Variants in NYAP2 observed in about 807,000 individuals in gnomAD.
NYAP2 encodes neuronal tyrosine-phosphorylated phosphoinositide-3-kinase adaptor 2.
Under a neutral mutation model 50.4 loss-of-function variants are expected in NYAP2, and 23 were observed. The ratio of observed to expected loss-of-function variants is 0.46; its 90% confidence interval spans 0.33 to 0.65. The LOEUF (loss-of-function observed/expected upper bound fraction) is 0.65. Among genes scored for constraint, NYAP2 ranks in the 30% least tolerant of loss-of-function variants. The probability of loss-of-function intolerance (pLI) is 0.02; values close to 1 mark genes in which losing one functional copy is unlikely to be tolerated. For missense variants in NYAP2, 885 were observed against 861.0 expected (o/e 1.03, Z -0.35); for synonymous variants, 394 against 365.2 (o/e 1.08, Z -0.90).
At chr2:225,487,863 G>A (rs2106168972) in intron 3 of NYAP2, among the ~76,000 whole-genome samples, 1 of 152,194 alleles carries the variant, frequency 6.6e-6, no homozygotes, top group Admixed American at 6.5e-5. Flanking sequence ...TTTATAGGTG[G>A]CATTTCTAAG....
At chr2:225,639,026 A>G (rs988073877) in intron 6 of NYAP2, among the ~76,000 whole-genome samples, 10 of 149,054 alleles carry the variant, frequency 6.7e-5, no homozygotes, top group African/African-American at 2.0e-4. Context: ...GACTTTTTGT[A>G]ACTAAAAGAA....
chr2:225,460,555 G>A (rs1283917689), intron 3 of NYAP2, among the ~76,000 whole-genome samples: 1 of 152,178 alleles, frequency 6.6e-6, no homozygotes, highest in Non-Finnish European at 1.5e-5. Flanking sequence ...TCTCTCTGAA[G>A]GTAAGAGAGG....
At chr2:225,614,198 G>A (rs1481216754) in intron 5 of NYAP2, among the ~76,000 whole-genome samples, 2 of 152,194 alleles carry the variant, frequency 1.3e-5, no homozygotes, top group South Asian at 2.1e-4. Context: ...GTATTTCTGG[G>A]AAAATATTTT....
At chr2:225,465,672 C>T (rs1013833896) in intron 3 of NYAP2, among the ~76,000 whole-genome samples, 4 of 152,216 alleles carry the variant, frequency 2.6e-5, no homozygotes, top group South Asian at 2.1e-4. Context: ...GCCGAGATCG[C>T]GCCACTGCAC....
intron 4 of NYAP2, among the ~76,000 whole-genome samples, chr2:225,554,414 A>G (rs1055336085): frequency 7.3e-5 from 11 of 150,300 alleles, no homozygotes; most frequent in African/African-American, 2.7e-4. Context: ...TCTGCCTCCC[A>G]GGTTCAAGAA....
At chr2:225,655,591 T>C (rs1693808218), downstream of NYAP2, among the ~76,000 whole-genome samples, 1 of 152,194 alleles carries the variant, frequency 6.6e-6, no homozygotes, top group African/African-American at 2.4e-5. Flanking sequence ...GAAAGAGATG[T>C]GAATGCTCTT....
At chr2:225,634,218 C>T (rs1019422735) in intron 6 of NYAP2, among the ~76,000 whole-genome samples, 6 of 152,154 alleles carry the variant, frequency 3.9e-5, no homozygotes, top group East Asian at 1.9e-4. Context: ...CAAAATGGCA[C>T]GACCTCTAAC....
At chr2:225,467,129 G>A (rs1307085529) in intron 3 of NYAP2, among the ~76,000 whole-genome samples, 1 of 152,100 alleles carries the variant, frequency 6.6e-6, no homozygotes, top group Non-Finnish European at 1.5e-5. Context: ...TGCTTGGGAG[G>A]AGAACATGCG....
At chr2:225,672,188 C>A in the NYAP2 span, among the ~76,000 whole-genome samples, 2 of 152,302 alleles carry the variant, frequency 1.3e-5, 1 homozygote, top group South Asian at 4.1e-4. Context: ...ATGGCATCTT[C>A]TTCCAACAGA....
intron 4 of NYAP2, among the ~76,000 whole-genome samples, chr2:225,562,370 G>T (rs1395702342): frequency 6.6e-6 from 1 of 152,094 alleles, no homozygotes; most frequent in Non-Finnish European, 1.5e-5. Flanking sequence ...TGTGTTCAAT[G>T]TCTCAATTAT....
intron 3 of NYAP2, among the ~76,000 whole-genome samples, chr2:225,431,959 GTT>G (rs530882133): frequency 1.3e-5 from 2 of 151,314 alleles, no homozygotes; most frequent in African/African-American, 2.4e-5. Context: ...CAATGATAGG[GTT>G]TTTTTTGTTG....
intron 3 of NYAP2, among the ~76,000 whole-genome samples, chr2:225,486,005 G>A (rs2052975): frequency 0.16 from 24,404 of 152,014 alleles, 2,519 homozygotes; most frequent in South Asian, 0.39. Flanking sequence ...CCTTGTGGGC[G>A]GTGGTAAAAC....
At chr2:225,569,043 A>C (rs1692016976) in intron 4 of NYAP2, among the ~76,000 whole-genome samples, 1 of 152,204 alleles carries the variant, frequency 6.6e-6, no homozygotes, top group Non-Finnish European at 1.5e-5. Context: ...AAATTTCTTC[A>C]TAGGGGAAGG....
the NYAP2 span, among the ~76,000 whole-genome samples, chr2:225,671,930 C>A: frequency 6.6e-6 from 1 of 151,904 alleles, no homozygotes. Flanking sequence ...CAGTAGGTCT[C>A]AACATGGGCT....
At chr2:225,581,682 G>T (rs575970340) in intron 4 of NYAP2, among the ~76,000 whole-genome samples, 7 of 152,250 alleles carry the variant, frequency 4.6e-5, no homozygotes, top group Non-Finnish European at 8.8e-5. Context: ...AAGGAAAGGG[G>T]TGAACAGTCC....
In NYAP2 at chr2:225,431,126, A is replaced by G. The variant is rs754144004; in HGVS notation, c.221+22025A>G. On this transcript the variant is annotated intron_variant, in intron 3 of 6. Coordinates refer to ENST00000636099, the Ensembl canonical transcript of NYAP2. ...AAAAATAAAATGATAAAATAAAATA[A>G]ATTCTGTGGTACATATCAATTCTAT... Among the ~76,000 whole-genome samples the G allele has an allele frequency of 3.3e-5, 5 of 152,318 alleles. No individual in the cohort carries two copies. The East Asian group carries it at 9.7e-4, about 29-fold the overall frequency.
chr2:225,471,727 T>G (rs1690014620), intron 3 of NYAP2, among the ~76,000 whole-genome samples: 1 of 152,192 alleles, frequency 6.6e-6, no homozygotes, highest in East Asian at 1.9e-4. Context: ...TGTTATCACA[T>G]TTACACAGGA....
chr2:225,499,321 T>G (rs1690560891), intron 3 of NYAP2, among the ~76,000 whole-genome samples: 2 of 145,322 alleles, frequency 1.4e-5, no homozygotes, highest in African/African-American at 2.5e-5. Context: ...AAAGGTTACT[T>G]TTTTTTTTTT....
At chr2:225,466,638 A>C (rs1040721197) in intron 3 of NYAP2, among the ~76,000 whole-genome samples, 10 of 152,184 alleles carry the variant, frequency 6.6e-5, no homozygotes, top group African/African-American at 1.2e-4. Context: ...AAAAGGAGAG[A>C]ACCACTTGCT....
Sources: gnomAD v4.1 joint callset for allele counts (sites outside exome capture counted in the v4.1 genomes callset) on GRCh38, gnomAD v4.1.1 for gene constraint, MANE v1.5 for transcripts, NCBI Gene and HGNC (gene_info 2026-07-23, HGNC 2026-07-21) for gene names.